The following OPA1 variants were observed in gnomAD, a reference collection of about 807,000 sequenced individuals.
OPA1 encodes the protein dynamin-like GTPase OPA1, mitochondrial.
In OPA1, 59 loss-of-function variants were observed where a neutral mutation model predicts 152.9. The ratio of observed to expected loss-of-function variants is 0.39; its 90% CI spans 0.31 to 0.48. OPA1 has a LOEUF of 0.48. Ranked by LOEUF, OPA1 falls within the 20% of genes least tolerant of loss-of-function variation. The probability of loss-of-function intolerance (pLI) is 0.96; values close to 1 mark genes in which losing one functional copy is unlikely to be tolerated. For missense variants in OPA1, 1,008 were observed against 1,216.8 expected, an observed-to-expected ratio of 0.83 and a Z score of 2.55; for synonymous variants, 400 against 389.9, an observed-to-expected ratio of 1.03 and a Z score of -0.31.
chr3:193,664,729 T>G (rs928952979), intron 26 of OPA1, 151 bp from the exon 27 acceptor site: 1 of 592,756 alleles, frequency 1.7e-6, no homozygotes, highest in Non-Finnish European at 3.0e-6. Flanking sequence ...AGTAAGTGAA[T>G]AAAAAAATTT....
At chr3:193,666,489 G>GATTT (rs1426289563) in intron 28 of OPA1, 100 bp downstream of exon 28, 1 of 1,001,540 alleles carries the variant, frequency 1.0e-6, no homozygotes, top group African/African-American at 1.6e-5. Context: ...CCCAAAAGTA[G>GATTT]ATTTATTAGA....
intron 1 of OPA1, chr3:193,596,989 CAG>C (rs923150077): frequency 1.3e-5 from 2 of 152,188 alleles, no homozygotes; most frequent in Non-Finnish European, 2.9e-5. Flanking sequence ...ATGATGGTGA[CAG>C]AGAGTGGTGT....
rs118139861 is a variant in OPA1, at chr3:193,693,944, T to C, written c.*6-662T>C. Among the ~76,000 whole-genome samples the C allele has an allele frequency of 2.6e-5, 4 of 152,238 alleles. No individual in the cohort carries two copies. The East Asian group carries it at 7.7e-4, about 29-fold the overall frequency. Reference sequence around the variant, plus strand: ...CCTGTGTGTGCTTTGCGGGGAAAAATTGATGAAAGCCCCGGAAGCCCCGTT... The same window carrying C: ...CCTGTGTGTGCTTTGCGGGGAAAAACTGATGAAAGCCCCGGAAGCCCCGTT... On this transcript the variant is annotated intron_variant, in intron 30 of 30. Transcript: ENST00000361510.
At position 193,648,818 on chromosome 3, in the gene OPA1, A is replaced by C; in HGVS notation, c.1959A>C (p.Lys653Asn). The C allele has an allele frequency of 6.2e-7, 1 of 1,608,122 alleles. No homozygotes were observed. The highest frequency in any genetic ancestry group is 8.5e-7 in the Non-Finnish European group (1 of 1,174,938). ...AGAATGAACTATTTGAAAAAGCTAAAAATGAAATCCTTGATGAAGTTATCA... is the reference window on the plus strand; with the variant it reads ...AGAATGAACTATTTGAAAAAGCTAACAATGAAATCCTTGATGAAGTTATCA... ...LDRNELFEKA[K>N]NEILDEVISL... is the part of the protein sequence containing the mutation. The change falls in exon 21 of 31, where the codon AAA (lysine) becomes AAC (asparagine). Residue 653 changes from lysine (K) to asparagine (N), a missense_variant. Physicochemically the swap from Lys to Asn is moderately conservative, Grantham distance 94 (BLOSUM62 0). Transcript: ENST00000361510.
chr3:193,663,213 ACAGT>A (rs910568474), intron 26 of OPA1, among the ~76,000 whole-genome samples: 1 of 152,140 alleles, frequency 6.6e-6, no homozygotes, highest in Non-Finnish European at 1.5e-5. Flanking sequence ...TCAATGGTCA[ACAGT>A]CAGTTCATGC....
chr3:193,654,250 C>T (rs770371010), intron 21 of OPA1, among the ~76,000 whole-genome samples: 1 of 152,150 alleles, frequency 6.6e-6, no homozygotes, highest in East Asian at 1.9e-4. Flanking sequence ...AATCCCAACA[C>T]TTTGGGAGGC....
intron 30 of OPA1, among the ~76,000 whole-genome samples, chr3:193,692,782 G>A (rs552952137): frequency 1.3e-5 from 2 of 152,308 alleles, no homozygotes; most frequent in South Asian, 4.1e-4. Context: ...CTTGAGAGGA[G>A]ACCTCGCTCT....
chr3:193,611,685 T>G (rs1466188432), intron 1 of OPA1, among the ~76,000 whole-genome samples: 1 of 151,908 alleles, frequency 6.6e-6, no homozygotes, highest in Non-Finnish European at 1.5e-5. Flanking sequence ...TGTTTTTTAG[T>G]TAAACTGCTA....
intron 29 of OPA1, among the ~76,000 whole-genome samples, chr3:193,681,483 A>C (rs1218525700): frequency 2.0e-5 from 3 of 152,228 alleles, no homozygotes; most frequent in Non-Finnish European, 4.4e-5. Flanking sequence ...AAATAAAGTA[A>C]ACTTTCAGAT....
At chr3:193,664,340 A>G (rs1716012896) in intron 26 of OPA1, among the ~76,000 whole-genome samples, 1 of 152,046 alleles carries the variant, frequency 6.6e-6, no homozygotes, top group Admixed American at 6.6e-5. Context: ...TTTTCTAGTT[A>G]ACATTATTAT....
At chr3:193,665,934 T>C (rs779798269) in intron 27 of OPA1, among the ~76,000 whole-genome samples, 1 of 152,182 alleles carries the variant, frequency 6.6e-6, no homozygotes, top group Non-Finnish European at 1.5e-5. Flanking sequence ...GAGGTTAACC[T>C]AAGGACGTAT....
chr3:193,611,516 G>GA (rs1218270337), intron 1 of OPA1, among the ~76,000 whole-genome samples: 1 of 144,906 alleles, frequency 6.9e-6, no homozygotes, highest in African/African-American at 2.6e-5. Context: ...AGAATTGCTT[G>GA]AACCTGGGAG....
At chr3:193,638,149 T>A in intron 11 of OPA1, 84 bp downstream of exon 11, 1 of 965,848 alleles carries the variant, frequency 1.0e-6, no homozygotes, top group Non-Finnish European at 1.7e-6. Context: ...AAATGAGGAC[T>A]TTTAACCAAA....
At chr3:193,675,811 T>C (rs1377827942) in intron 29 of OPA1, among the ~76,000 whole-genome samples, 3 of 152,238 alleles carry the variant, frequency 2.0e-5, no homozygotes, top group Non-Finnish European at 4.4e-5. Context: ...TGTTACATAT[T>C]GTACTGTACA....
At chr3:193,674,895 C>T (rs1219087954) in intron 29 of OPA1, among the ~76,000 whole-genome samples, 1 of 152,200 alleles carries the variant, frequency 6.6e-6, no homozygotes, top group East Asian at 1.9e-4. Flanking sequence ...AAACTGTTTG[C>T]GGAGGTGGGG....
intron 1 of OPA1, among the ~76,000 whole-genome samples, chr3:193,602,049 A>G (rs754041108): frequency 3.9e-5 from 6 of 152,112 alleles, no homozygotes; most frequent in East Asian, 1.9e-4. Flanking sequence ...AGGATTAGGG[A>G]AAAAAATAAG....
At chr3:193,671,974 A>G (rs148062567) in intron 29 of OPA1, among the ~76,000 whole-genome samples, 37 of 152,332 alleles carry the variant, frequency 2.4e-4, no homozygotes, top group Admixed American at 3.9e-4. Flanking sequence ...GTCTGGTGTT[A>G]AAATATGCCC....
At chr3:193,596,909 A>G (rs991106771) in intron 1 of OPA1, 2 of 152,222 alleles carry the variant, frequency 1.3e-5, no homozygotes, top group African/African-American at 4.8e-5. Context: ...ACACCAAAGA[A>G]GACGTGTGAG....
chr3:193,650,255 G>C (rs901515284), intron 21 of OPA1, among the ~76,000 whole-genome samples: 5 of 152,144 alleles, frequency 3.3e-5, no homozygotes, highest in African/African-American at 1.2e-4. Context: ...AAAAGGCAAC[G>C]GTCAGATCTG....
Sources: gnomAD v4.1 joint callset for allele counts (sites outside exome capture counted in the v4.1 genomes callset) on GRCh38, gnomAD v4.1.1 for gene constraint, MANE v1.5 for transcripts, NCBI Gene and HGNC (gene_info 2026-07-23, HGNC 2026-07-21) for gene names.